Variants in DCAKD observed in about 807,000 individuals in gnomAD.
DCAKD encodes dephospho-CoA kinase domain containing, also known as dephospho-CoA kinase domain-containing protein.
In DCAKD, 15 loss-of-function variants were observed where a neutral mutation model predicts 18.7. The ratio of observed to expected loss-of-function variants is 0.80; its 90% CI spans 0.54 to 1.24. DCAKD has a LOEUF of 1.24. Ranked by LOEUF, DCAKD falls within the 50% of genes most tolerant of loss-of-function variation. The pLI, the probability that DCAKD is intolerant of heterozygous loss-of-function variation, is 0.00. For missense variants in DCAKD, 301 were observed against 322.0 expected (o/e 0.93, Z 0.50); for synonymous variants, 130 against 133.0 (o/e 0.98, Z 0.16).
At chr17:45,042,672 A>G (rs546782923) in intron 1 of DCAKD, among the ~76,000 whole-genome samples, 7 of 152,340 alleles carry the variant, frequency 4.6e-5, no homozygotes, top group African/African-American at 1.4e-4. Flanking sequence ...TTTTCCAGTT[A>G]ACTATTAAGT....
intron 4 of DCAKD, 46 bp from the exon 5 acceptor site, chr17:45,024,770 C>A: frequency 6.6e-7 from 1 of 1,517,250 alleles, no homozygotes; most frequent in Non-Finnish European, 8.8e-7. Context: ...CTCCCTCTCA[C>A]CCCAAGTTAC....
chr17:45,025,263 C>T (rs1376899272), intron 4 of DCAKD, among the ~76,000 whole-genome samples: 1 of 152,062 alleles, frequency 6.6e-6, no homozygotes, highest in Admixed American at 6.6e-5. Context: ...TGCTGCTATA[C>T]CCCTCCCCTG....
At chr17:45,046,002 T>G (rs1380742367) in intron 1 of DCAKD, among the ~76,000 whole-genome samples, 1 of 151,864 alleles carries the variant, frequency 6.6e-6, no homozygotes. Flanking sequence ...TTTTTTTGTA[T>G]TTTTAGTAGA....
intron 1 of DCAKD, among the ~76,000 whole-genome samples, chr17:45,049,713 CT>C (rs57106886): frequency 1.9e-3 from 212 of 111,868 alleles, no homozygotes; most frequent in East Asian, 6.1e-3. Context: ...TTTTCTTTTC[CT>C]TTTTTTTTTT....
Position 45,034,957 on chromosome 17 carries a change from T to C in DCAKD, c.-72A>G, listed in dbSNP as rs1412493672. On this transcript the variant is annotated 5_prime_UTR_variant, in exon 2 of 5. Coordinates refer to ENST00000651974, the MANE Select transcript of DCAKD (RefSeq NM_001288655.2). ...CAGAATCACTGGAGAGCAGGGCAAG[T>C]GTGGCCGATGGGGGCGGTCCACCAG... The C allele has an allele frequency of 6.6e-7, 1 of 1,522,862 alleles. No individual in the cohort carries two copies. Among genetic ancestry groups the C allele is most frequent in the Non-Finnish European group, 9.0e-7 (1 of 1,108,224 alleles). 94.3% of individuals were successfully genotyped at this position (1,522,862 alleles called of 1,614,324 possible). A position where few individuals can be genotyped will look rare whatever the true frequency, so the allele number is the denominator to read the frequency against.
Position 45,043,976 on chromosome 17 carries a change from T to C in DCAKD, c.-115+7385A>G, listed in dbSNP as rs550855000. Among the ~76,000 whole-genome samples, 8 of 152,244 alleles carry C rather than the reference T, an allele frequency of 5.3e-5. No homozygotes were observed. In the South Asian group the frequency reaches 1.4e-3, roughly 28 times the overall value. ...CGCCACCATGTCGCTGCGGAAGCCC[T>C]GCAGCAGCCTCTGAGCCATTTCCTG... is the stretch of plus-strand genomic sequence containing the variant. On this transcript the variant is annotated intron_variant, in intron 1 of 4. Coordinates refer to ENST00000651974, the MANE Select transcript of DCAKD (RefSeq NM_001288655.2).
At chr17:45,045,821 T>C (rs1416088251) in intron 1 of DCAKD, among the ~76,000 whole-genome samples, 2 of 152,048 alleles carry the variant, frequency 1.3e-5, no homozygotes, top group Non-Finnish European at 2.9e-5. Context: ...AACTCAACAT[T>C]AACTTTTTTT....
At chr17:45,057,957 G>T (rs2143420364) in intron 1 of DCAKD, among the ~76,000 whole-genome samples, 1 of 142,576 alleles carries the variant, frequency 7.0e-6, no homozygotes. Flanking sequence ...GTTGCAATGA[G>T]TCGAGATTGT....
At chr17:45,049,466 C>T (rs1041569586) in intron 1 of DCAKD, among the ~76,000 whole-genome samples, 3 of 147,870 alleles carry the variant, frequency 2.0e-5, no homozygotes, top group Non-Finnish European at 4.5e-5. Flanking sequence ...TTTGAAATTT[C>T]GATGGTTAAA....
intron 4 of DCAKD, among the ~76,000 whole-genome samples, chr17:45,029,313 C>G (rs2053125043): frequency 6.6e-6 from 1 of 152,242 alleles, no homozygotes; most frequent in African/African-American, 2.4e-5. Flanking sequence ...ACCACAGGCT[C>G]CGCCTCCAGC....
chr17:45,058,227 A>C (rs2053807822), intron 1 of DCAKD, among the ~76,000 whole-genome samples: 1 of 152,072 alleles, frequency 6.6e-6, no homozygotes, highest in South Asian at 2.1e-4. Context: ...AGGTGGCAGG[A>C]TCACTTGAAT....
intron 1 of DCAKD, among the ~76,000 whole-genome samples, chr17:45,058,624 G>T (rs146914696): frequency 6.6e-6 from 1 of 151,280 alleles, no homozygotes; most frequent in Non-Finnish European, 1.5e-5. Context: ...GTTTCGCCAC[G>T]TTGGCCAGGC....
At chr17:45,057,078 T>C (rs2053789020) in intron 1 of DCAKD, among the ~76,000 whole-genome samples, 1 of 152,036 alleles carries the variant, frequency 6.6e-6, no homozygotes, top group Non-Finnish European at 1.5e-5. Flanking sequence ...TTTTTTCCTA[T>C]TTATATAGAG....
chr17:45,054,610 T>C (rs1010937739), upstream of DCAKD, among the ~76,000 whole-genome samples: 1 of 152,160 alleles, frequency 6.6e-6, no homozygotes, highest in Non-Finnish European at 1.5e-5. Context: ...AGGCAGTATC[T>C]CTCCTAGTTT....
upstream of DCAKD, among the ~76,000 whole-genome samples, chr17:45,052,138 G>GCCCCGGAGCACGGCACAGAGGTC (rs925174932): frequency 2.0e-5 from 3 of 151,790 alleles, no homozygotes; most frequent in Admixed American, 6.6e-5. Flanking sequence ...GGAGAGCTCG[G>GCCCCGGAGCACGGCACAGAGGTC]CCCCGGAGCA....
At chr17:45,061,049 G>A in exon 1 of DCAKD, 2 of 1,201,106 alleles carry the variant, frequency 1.7e-6, no homozygotes, top group Non-Finnish European at 2.1e-6. Context: ...GCGGCCGCCC[G>A]GTTCCCAAGG....
chr17:45,049,701 CTTTTTCTTTTCCTTTTTTT>C (rs1807226965), intron 1 of DCAKD, among the ~76,000 whole-genome samples: 1 of 120,032 alleles, frequency 8.3e-6, no homozygotes, highest in Non-Finnish European at 1.8e-5. Context: ...AGGTAATTTT[CTTTTTCTTTTCCTTTTTTT>C]TTTTTTTTTT....
At chr17:45,043,824 T>C (rs939567102) in intron 1 of DCAKD, among the ~76,000 whole-genome samples, 18 of 151,980 alleles carry the variant, frequency 1.2e-4, no homozygotes, top group Non-Finnish European at 2.1e-4. Flanking sequence ...TCCTCCCTCC[T>C]TCCACTTGTA....
intron 1 of DCAKD, among the ~76,000 whole-genome samples, chr17:45,058,754 C>G (rs554616601): frequency 3.9e-5 from 6 of 151,912 alleles, no homozygotes; most frequent in Non-Finnish European, 7.4e-5. Context: ...ACCTCTGACC[C>G]CCCCCTTCCC....
Sources: gnomAD v4.1 joint callset for allele counts (sites outside exome capture counted in the v4.1 genomes callset) on GRCh38, gnomAD v4.1.1 for gene constraint, MANE v1.5 for transcripts, NCBI Gene and HGNC (gene_info 2026-07-23, HGNC 2026-07-21) for gene names.